Variants in AGL observed in about 807,000 individuals in gnomAD.
AGL encodes amylo-alpha-1,6-glucosidase and 4-alpha-glucanotransferase.
In AGL, 128 loss-of-function variants were observed where a neutral mutation model predicts 199.3. The observed-to-expected ratio is 0.64, with a 90% CI of 0.56 to 0.74. The LOEUF (loss-of-function observed/expected upper bound fraction) is 0.74. AGL is among the 30% of genes least tolerant of loss of function. AGL has a pLI of 0.00. For missense variants in AGL, 1,809 were observed against 1,820.8 expected (o/e 0.99, Z 0.12); for synonymous variants, 584 against 594.7 (o/e 0.98, Z 0.26).
At position 99,891,719 on chromosome 1, in the gene AGL, A is replaced by G. The variant is rs753863188; in HGVS notation, c.3063A>G (p.Thr1021=). The stretch of plus-strand genomic sequence containing the variant: ...GTGCATATACCACTCTTCTGGATAC[A>G]GCATGGAAGCAGATGTCAAGGTATA... ...LIGAYTTLLD[T]AWKQMSSFVQ... Residue 1021 remains threonine, a synonymous_variant, in exon 23 of 34, where the codon ACA becomes ACG. Transcript: ENST00000361915. 2 of 1,613,582 alleles carry G rather than the reference A, an allele frequency of 1.2e-6. No homozygotes were observed. Among genetic ancestry groups the G allele is most frequent in the Non-Finnish European group, 1.7e-6 (2 of 1,179,610 alleles).
At chr1:99,851,230 A>T (rs1189302997) in intron 2 of AGL, 106 bp downstream of exon 2, 1 of 1,060,018 alleles carries the variant, frequency 9.4e-7, no homozygotes, top group East Asian at 2.4e-5. Flanking sequence ...ATTATTTCCA[A>T]GGGTCTAAAA....
intron 28 of AGL, 34 bp downstream of exon 28, chr1:99,910,881 C>T (rs1238445343): frequency 1.8e-5 from 29 of 1,597,752 alleles, no homozygotes; most frequent in Non-Finnish European, 2.4e-5. Context: ...TGTAATTATA[C>T]CCTTCTTTAA....
chr1:99,883,732 CT>C (rs1168257337), intron 17 of AGL, among the ~76,000 whole-genome samples: 1 of 151,978 alleles, frequency 6.6e-6, no homozygotes, highest in Admixed American at 6.6e-5. Context: ...TACACAGAGG[CT>C]TTATTGTATT....
At chr1:99,897,143 A>G (rs937668848) in intron 25 of AGL, among the ~76,000 whole-genome samples, 3 of 152,236 alleles carry the variant, frequency 2.0e-5, no homozygotes, top group South Asian at 2.1e-4. Context: ...TAATGTCACA[A>G]TAATATGAAT....
intron 14 of AGL, 90 bp from the exon 15 acceptor site, chr1:99,880,986 T>C (rs1310899808): frequency 7.9e-7 from 1 of 1,268,082 alleles, no homozygotes; most frequent in East Asian, 2.4e-5. Flanking sequence ...AATTTATTTA[T>C]GTAATTATCC....
Position 99,862,442 on chromosome 1 carries a change from CT to C in AGL, c.460+24del, listed in dbSNP as rs762641745. 2 of 1,612,888 alleles carry C rather than the reference CT, an allele frequency of 1.2e-6. No individual in the cohort carries two copies. Among genetic ancestry groups the C allele is most frequent in the Non-Finnish European group, 1.7e-6 (2 of 1,179,154 alleles). Reference sequence around the variant, plus strand: ...GAATCAGGTAATGTCAGCTTGCTTTCTTTTTCTTATTTAAAAAAATAAATGT... The same window carrying C: ...GAATCAGGTAATGTCAGCTTGCTTTCTTTTCTTATTTAAAAAAATAAATGT... On this transcript the variant is annotated intron_variant, in intron 4 of 33. Coordinates refer to ENST00000361915, the MANE Select transcript of AGL (RefSeq NM_000642.3).
chr1:99,907,676 G>GTT, intron 27 of AGL, among the ~76,000 whole-genome samples: 1 of 53,424 alleles, frequency 1.9e-5, no homozygotes, highest in African/African-American at 6.3e-5. Context: ...GTTTTTGTTC[G>GTT]TTTGTTTTTG....
rs1025908351 is a variant in AGL, at chr1:99,850,378, T to G, written c.-106T>G. 2 of 152,834 alleles carry G rather than the reference T, an allele frequency of 1.3e-5. No homozygotes were observed. Among genetic ancestry groups the G allele is most frequent in the African/African-American group, 4.8e-5 (2 of 41,594 alleles). The allele number at this position is 152,834 out of a possible 1,614,324, so 9.5% of individuals were successfully genotyped here. A position where few individuals can be genotyped will look rare whatever the true frequency, so the allele number is the denominator to read the frequency against. ...ACCGTAGCACCAGAGTCGCGGGTCC[T>G]GCAGTGCCCCAGAAGCCGCACGTAT... On this transcript the variant is annotated 5_prime_UTR_variant, in exon 1 of 34. Coordinates refer to ENST00000361915, the MANE Select transcript of AGL (RefSeq NM_000642.3).
chr1:99,901,761 T>TG (rs200158049), intron 26 of AGL, among the ~76,000 whole-genome samples: 1 of 126,004 alleles, frequency 7.9e-6, no homozygotes, highest in Admixed American at 8.3e-5. Flanking sequence ...TATATATGAT[T>TG]GGGGGGGCTG....
chr1:99,883,055 G>A (rs1262154080), intron 17 of AGL, among the ~76,000 whole-genome samples: 3 of 152,044 alleles, frequency 2.0e-5, no homozygotes, highest in Non-Finnish European at 4.4e-5. Context: ...TTCCACTTCA[G>A]TCCGCAAAAT....
Position 99,923,284 on chromosome 1 carries a change from A to C in AGL, c.*1633A>C, listed in dbSNP as rs1242262425. 1 of 152,278 alleles carries C rather than the reference A, an allele frequency of 6.6e-6. No homozygotes were observed. Among genetic ancestry groups the C allele is most frequent in the East Asian group, 1.9e-4 (1 of 5,196 alleles). 9.4% of individuals were successfully genotyped at this position (152,278 alleles called of 1,614,324 possible). ...TCTCTAAACTGTGCGGGTAAAAGGA[A>C]TGACTGTCCTTGAGAGAACCATTAG... On this transcript the variant is annotated 3_prime_UTR_variant, in exon 34 of 34. Transcript: ENST00000361915.
intron 5 of AGL, among the ~76,000 whole-genome samples, chr1:99,870,086 T>G (rs1650859723): frequency 2.0e-5 from 3 of 152,126 alleles, no homozygotes; most frequent in Non-Finnish European, 4.4e-5. Flanking sequence ...ATCCAACTTA[T>G]CAAAACAACG....
At position 99,861,662 on chromosome 1, in the gene AGL, G is replaced by C. The variant is rs1650048633; in HGVS notation, c.242G>C (p.Cys81Ser). 1 of 1,613,540 alleles carries C rather than the reference G, an allele frequency of 6.2e-7. No individual in the cohort carries two copies. Among genetic ancestry groups the C allele is most frequent in the African/African-American group, 1.3e-5 (1 of 75,026 alleles). ...TEREDDSDKY[C>S]KLNLQQSGSF... ...AGAGAAGATGATTCTGATAAATACT[G>C]TAAACTTAATCTGCAACAATCTGGT... is the stretch of plus-strand genomic sequence containing the variant. Residue 81 changes from cysteine (C) to serine (S), a missense_variant, in exon 3 of 34, where the codon TGT (cysteine) becomes TCT (serine). Cys to Ser is a moderately radical substitution (Grantham distance 112, BLOSUM62 -1). Coordinates refer to ENST00000361915, the MANE Select transcript of AGL (RefSeq NM_000642.3).
chr1:99,886,001 A>G (rs536568728), intron 20 of AGL, among the ~76,000 whole-genome samples: 2 of 152,324 alleles, frequency 1.3e-5, no homozygotes, highest in Admixed American at 1.3e-4. Context: ...TGAGGCTGTT[A>G]ATACATACTG....
chr1:99,874,843 A>T (rs779098270), intron 8 of AGL, 33 bp downstream of exon 8: 12 of 1,606,376 alleles, frequency 7.5e-6, no homozygotes, highest in Non-Finnish European at 4.3e-6. Context: ...TGAAATAATA[A>T]TATTACTTAC....
intron 24 of AGL, among the ~76,000 whole-genome samples, chr1:99,896,077 G>A (rs1242199054): frequency 6.6e-6 from 1 of 152,142 alleles, no homozygotes; most frequent in Non-Finnish European, 1.5e-5. Flanking sequence ...GTTCCTTTAG[G>A]AATCTGACAA....
intron 30 of AGL, among the ~76,000 whole-genome samples, 182 bp downstream of exon 30, chr1:99,913,920 A>G (rs1321471296): frequency 6.6e-6 from 1 of 152,232 alleles, no homozygotes; most frequent in African/African-American, 2.4e-5. Flanking sequence ...AACCTGTAAC[A>G]TTCAGTATCC....
intron 28 of AGL, among the ~76,000 whole-genome samples, chr1:99,911,167 A>C (rs958313669): frequency 6.6e-6 from 1 of 152,202 alleles, no homozygotes; most frequent in African/African-American, 2.4e-5. Context: ...ACATTTCATT[A>C]TGCCCATCTT....
chr1:99,888,325 GT>G (rs1652619456), intron 21 of AGL, among the ~76,000 whole-genome samples: 2 of 152,114 alleles, frequency 1.3e-5, no homozygotes, highest in Admixed American at 6.6e-5. Flanking sequence ...AATTTAGAAG[GT>G]TTTTGTGAGG....
Sources: allele counts gnomAD v4.1 joint callset (sites outside exome capture counted in the v4.1 genomes callset), GRCh38; gene constraint gnomAD v4.1.1; transcripts MANE v1.5; gene names NCBI Gene and HGNC (gene_info 2026-07-23, HGNC 2026-07-21).